The following AGBL4 variants were observed in gnomAD, a reference collection of about 807,000 sequenced individuals.
AGBL4 encodes cytosolic carboxypeptidase 6.
Under a neutral mutation model 66.4 loss-of-function variants are expected in AGBL4, and 58 were observed. That is an observed-to-expected ratio of 0.87 (90% CI 0.71 to 1.09). The LOEUF (loss-of-function observed/expected upper bound fraction) is 1.09. Ranked by LOEUF, AGBL4 falls within the 50% of genes least tolerant of loss-of-function variation. The pLI is 0.00. For missense variants in AGBL4, 579 were observed against 631.0 expected, an observed-to-expected ratio of 0.92 and a Z score of 0.88; for synonymous variants, 234 against 222.9, an observed-to-expected ratio of 1.05 and a Z score of -0.44.
chr1:49,179,348 G>A lies in AGBL4; in HGVS notation c.377+66422C>T, dbSNP rs1487111791. Among the ~76,000 whole-genome samples, 5 of 151,966 alleles carry A rather than the reference G, an allele frequency of 3.3e-5. No individual in the cohort carries two copies. In the South Asian group the frequency reaches 1.0e-3, roughly 32 times the overall value. ...TGGACATAGTAATGAATTATATATAGGGGGTTATAAAAGAAAAAAATGGGT... is the reference window on the plus strand; with the variant it reads ...TGGACATAGTAATGAATTATATATAAGGGGTTATAAAAGAAAAAAATGGGT... On this transcript the variant is annotated intron_variant, in intron 4 of 13. Coordinates refer to ENST00000371839, the MANE Select transcript of AGBL4 (RefSeq NM_032785.4).
At chr1:48,654,009 T>G (rs1645979474) in intron 7 of AGBL4, among the ~76,000 whole-genome samples, 1 of 152,202 alleles carries the variant, frequency 6.6e-6, no homozygotes, top group Non-Finnish European at 1.5e-5. Context: ...AATGTGCTTC[T>G]TTCCCCATTT....
At chr1:49,975,614 T>C (rs1238282444) in intron 1 of AGBL4, among the ~76,000 whole-genome samples, 6 of 152,176 alleles carry the variant, frequency 3.9e-5, no homozygotes, top group African/African-American at 1.4e-4. Context: ...ACTTCCCATA[T>C]TGGAAATATC....
At chr1:49,764,801 G>A (rs938596583) in intron 2 of AGBL4, among the ~76,000 whole-genome samples, 3 of 152,154 alleles carry the variant, frequency 2.0e-5, no homozygotes, top group Non-Finnish European at 1.5e-5. Context: ...GAGTGTTGAG[G>A]TTATGCCCTT....
intron 5 of AGBL4, among the ~76,000 whole-genome samples, chr1:48,996,532 T>C (rs892335790): frequency 6.6e-6 from 1 of 152,128 alleles, no homozygotes; most frequent in African/African-American, 2.4e-5. Flanking sequence ...TTTCAGGAAG[T>C]AGGTTGTCAG....
intron 6 of AGBL4, chr1:48,776,687 C>A: frequency 6.6e-7 from 1 of 1,513,486 alleles, no homozygotes; most frequent in East Asian, 2.7e-5. Flanking sequence ...TCGGGCCCGG[C>A]GCCCAATTCC....
At chr1:49,263,686 A>G (rs1653453146) in intron 3 of AGBL4, among the ~76,000 whole-genome samples, 1 of 152,188 alleles carries the variant, frequency 6.6e-6, no homozygotes, top group Non-Finnish European at 1.5e-5. Flanking sequence ...ATGATTTTGA[A>G]CATTGCTGGT....
chr1:49,606,032 G>A (rs2124198825), intron 3 of AGBL4, among the ~76,000 whole-genome samples: 1 of 152,070 alleles, frequency 6.6e-6, no homozygotes, highest in East Asian at 1.9e-4. Flanking sequence ...TACTCTTTTT[G>A]AGCTCAGTTA....
intron 2 of AGBL4, among the ~76,000 whole-genome samples, chr1:49,709,285 G>T (rs1647450981): frequency 6.6e-6 from 1 of 152,208 alleles, no homozygotes; most frequent in Admixed American, 6.5e-5. Flanking sequence ...GAGGCAGTCT[G>T]GCTACAGCAG....
At chr1:49,630,976 G>A (rs1256868561) in intron 3 of AGBL4, among the ~76,000 whole-genome samples, 1 of 152,152 alleles carries the variant, frequency 6.6e-6, no homozygotes, top group African/African-American at 2.4e-5. Flanking sequence ...CAAGAGTTGA[G>A]AGAGTAGCTC....
chr1:49,168,632 G>A (rs1178718668), intron 4 of AGBL4, among the ~76,000 whole-genome samples: 1 of 152,184 alleles, frequency 6.6e-6, no homozygotes, highest in Non-Finnish European at 1.5e-5. Flanking sequence ...TTTTAGGAAT[G>A]ACCCAGCAGA....
chr1:49,203,879 T>C (rs1482325930), intron 4 of AGBL4, among the ~76,000 whole-genome samples: 1 of 152,222 alleles, frequency 6.6e-6, no homozygotes, highest in Non-Finnish European at 1.5e-5. Flanking sequence ...AATATGCATG[T>C]AGTTAAAAAT....
intron 3 of AGBL4, among the ~76,000 whole-genome samples, chr1:49,264,598 T>C (rs1013491983): frequency 1.3e-5 from 2 of 151,808 alleles, no homozygotes; most frequent in Non-Finnish European, 2.9e-5. Flanking sequence ...CAGGCTGGAG[T>C]GCAGCGGCGC....
chr1:49,143,374 C>T (rs890559412), intron 4 of AGBL4, among the ~76,000 whole-genome samples: 1 of 152,094 alleles, frequency 6.6e-6, no homozygotes, highest in African/African-American at 2.4e-5. Context: ...TTCTTGATAC[C>T]CCATGTAAAA....
chr1:49,400,332 T>C (rs1645058117), intron 3 of AGBL4, among the ~76,000 whole-genome samples: 2 of 152,204 alleles, frequency 1.3e-5, no homozygotes, highest in African/African-American at 4.8e-5. Context: ...TCCAGTTTTG[T>C]TCTTTTTGCT....
intron 1 of AGBL4, chr1:49,994,781 G>A (rs1557647311): frequency 8.2e-6 from 2 of 244,178 alleles, no homozygotes; most frequent in Non-Finnish European, 1.6e-5. Context: ...GCTTGCTGCT[G>A]CAGACTCCAT....
At chr1:49,699,369 A>T (rs1647045794) in intron 2 of AGBL4, among the ~76,000 whole-genome samples, 1 of 152,002 alleles carries the variant, frequency 6.6e-6, no homozygotes, top group Non-Finnish European at 1.5e-5. Context: ...ATTAAGTGCC[A>T]GTTTATGGCC....
chr1:49,315,050 C>G lies in AGBL4; in HGVS notation c.283-69186G>C, dbSNP rs376471375. 3.4e-4 allele frequency among the ~76,000 whole-genome samples: 51 copies of G among 151,834 alleles called. 1 individual carries two copies. In the South Asian group the frequency reaches 9.6e-3, roughly 28 times the overall value. Reference sequence around the variant, plus strand: ...AACCAAACCAGCATGGTACTGGTACCAAAACAGATATATAGACCAATGGAA... The same window carrying G: ...AACCAAACCAGCATGGTACTGGTACGAAAACAGATATATAGACCAATGGAA... On this transcript the variant is annotated intron_variant, in intron 3 of 13. Transcript: ENST00000371839.
intron 2 of AGBL4, among the ~76,000 whole-genome samples, chr1:49,762,705 C>G (rs1652432493): frequency 6.6e-6 from 1 of 152,196 alleles, no homozygotes; most frequent in Non-Finnish European, 1.5e-5. Context: ...AGCCACTGCA[C>G]CCGGCCGTGT....
At position 48,850,195 on chromosome 1, in the gene AGBL4, G is replaced by A. The variant is rs942221004; in HGVS notation, c.634+16996C>T. The stretch of plus-strand genomic sequence containing the variant: ...CAAATGGAGGATTTTACCTATCAAT[G>A]GATTCCTAAACTCAACAAGTAGTGA... On this transcript the variant is annotated intron_variant, in intron 6 of 13. Coordinates refer to ENST00000371839, the MANE Select transcript of AGBL4 (RefSeq NM_032785.4). 8.5e-5 allele frequency among the ~76,000 whole-genome samples: 13 copies of A among 152,216 alleles called. No individual in the cohort carries two copies. In the East Asian group the frequency reaches 2.1e-3, roughly 25 times the overall value.
Sources: gnomAD v4.1 joint callset for allele counts (sites outside exome capture counted in the v4.1 genomes callset) on GRCh38, gnomAD v4.1.1 for gene constraint, MANE v1.5 for transcripts, NCBI Gene and HGNC (gene_info 2026-07-23, HGNC 2026-07-21) for gene names.